Variants in PCDH15 observed in about 807,000 individuals in gnomAD.
The protein encoded by PCDH15 is protocadherin related 15.
Under a neutral mutation model 178.5 loss-of-function variants are expected in PCDH15, and 129 were observed. That is an observed-to-expected ratio of 0.72 (90% CI 0.63 to 0.84). The LOEUF (loss-of-function observed/expected upper bound fraction) is 0.84, where lower values mean the gene tolerates loss of function less well. Ranked by LOEUF, PCDH15 falls within the 40% of genes least tolerant of loss-of-function variation. The probability of loss-of-function intolerance (pLI) is 0.00; values close to 1 mark genes in which losing one functional copy is unlikely to be tolerated. For missense variants in PCDH15, 2,230 were observed against 2,099.9 expected, an observed-to-expected ratio of 1.06 and a Z score of -1.21; for synonymous variants, 800 against 732.0, an observed-to-expected ratio of 1.09 and a Z score of -1.50.
intron 2 of PCDH15, among the ~76,000 whole-genome samples, chr10:54,541,505 T>C (rs1448522515): frequency 6.6e-6 from 1 of 152,140 alleles, no homozygotes; most frequent in Non-Finnish European, 1.5e-5. Flanking sequence ...TTTTGATACA[T>C]ACAGTAGACA....
chr10:55,529,907 T>C (rs1016876456), intron 2 of PCDH15, among the ~76,000 whole-genome samples: 1 of 150,874 alleles, frequency 6.6e-6, no homozygotes, highest in Non-Finnish European at 1.5e-5. Flanking sequence ...CTCCTCAAAG[T>C]ATTTACTTAC....
intron 1 of PCDH15, among the ~76,000 whole-genome samples, chr10:54,752,242 C>T (rs1946326810): frequency 6.6e-6 from 1 of 150,992 alleles, no homozygotes; most frequent in African/African-American, 2.4e-5. Context: ...TTTGGGAGGC[C>T]GAGGCGGACA....
chr10:54,709,951 A>ATT (rs1018657185), intron 1 of PCDH15, among the ~76,000 whole-genome samples: 6 of 147,514 alleles, frequency 4.1e-5, no homozygotes, highest in Non-Finnish European at 9.0e-5. Flanking sequence ...GTATATATAT[A>ATT]TTACATATTT....
chr10:54,469,208 C>T (rs1290233776), intron 3 of PCDH15, among the ~76,000 whole-genome samples: 2 of 152,066 alleles, frequency 1.3e-5, no homozygotes, highest in East Asian at 3.9e-4. Context: ...GCTTTTCTCC[C>T]ACCTCTGCCT....
chr10:55,415,026 C>T (rs1838442562), intron 2 of PCDH15, among the ~76,000 whole-genome samples: 1 of 151,454 alleles, frequency 6.6e-6, no homozygotes, highest in Non-Finnish European at 1.5e-5. Context: ...AATGCTTTCC[C>T]ATTGATTATG....
chr10:55,410,621 C>G (rs2132034553), intron 2 of PCDH15, among the ~76,000 whole-genome samples: 1 of 152,170 alleles, frequency 6.6e-6, no homozygotes, highest in East Asian at 1.9e-4. Context: ...CCAGATAATA[C>G]AATGAAACAT....
chr10:55,544,730 T>A (rs1340593750), intron 2 of PCDH15, among the ~76,000 whole-genome samples: 1 of 152,184 alleles, frequency 6.6e-6, no homozygotes, highest in Non-Finnish European at 1.5e-5. Context: ...GAAGTTTTAA[T>A]CTGGTGTATT....
intron 2 of PCDH15, among the ~76,000 whole-genome samples, chr10:55,035,883 C>G (rs1048515653): frequency 6.6e-6 from 1 of 152,082 alleles, no homozygotes; most frequent in Non-Finnish European, 1.5e-5. Context: ...ATACTTTGGT[C>G]ATGACCTATG....
chr10:54,261,024 G>A (rs78129623), intron 8 of PCDH15, among the ~76,000 whole-genome samples: 55 of 152,262 alleles, frequency 3.6e-4, no homozygotes, highest in African/African-American at 1.3e-3. Context: ...TGTTCAAACA[G>A]TTTATATTTC....
At chr10:54,101,618 T>C (rs1041820321) in intron 15 of PCDH15, among the ~76,000 whole-genome samples, 1 of 152,132 alleles carries the variant, frequency 6.6e-6, no homozygotes, top group Non-Finnish European at 1.5e-5. Context: ...AGTGAGGAGC[T>C]ACACTGACCA....
chr10:54,561,118 G>T (rs2088082243), intron 2 of PCDH15, among the ~76,000 whole-genome samples: 1 of 151,990 alleles, frequency 6.6e-6, no homozygotes. Flanking sequence ...CAAGTTCTAT[G>T]GAAAAATTAA....
rs1447559687 is a variant in PCDH15 at position 55,146,546 on chromosome 10, A to G, written c.-80+20030T>C. 2.6e-5 allele frequency among the ~76,000 whole-genome samples: 4 copies of G among 151,912 alleles called. No individual in the cohort carries two copies. The East Asian group carries it at 5.8e-4, about 22-fold the overall frequency. On this transcript the variant is annotated intron_variant, in intron 2 of 5. Coordinates refer to the PCDH15 transcript ENST00000458638. Reference sequence around the variant, plus strand: ...TAGCCCCTATACTCAGGTTTCTGCTATAGCGTTCTGTAACACGTGATAATT... The same window carrying G: ...TAGCCCCTATACTCAGGTTTCTGCTGTAGCGTTCTGTAACACGTGATAATT...
At chr10:54,522,738 C>G (rs1459888870) in intron 3 of PCDH15, among the ~76,000 whole-genome samples, 1 of 152,092 alleles carries the variant, frequency 6.6e-6, no homozygotes, top group Admixed American at 6.6e-5. Flanking sequence ...AATAACTAAG[C>G]AAACAAATGA....
At position 55,538,494 on chromosome 10, in the gene PCDH15, TTTC is replaced by T. The variant is rs1564441965; in HGVS notation, c.-156+89128_-156+89130del. Among the ~76,000 whole-genome samples the T allele has an allele frequency of 5.0e-4, 39 of 77,968 alleles. 1 individual carries two copies. The East Asian group carries it at 0.018, about 36-fold the overall frequency. 51.2% of individuals were successfully genotyped at this position (77,968 alleles called of 152,430 possible). On this transcript the variant is annotated intron_variant, in intron 2 of 5. Transcript: ENST00000613346. ...CCTCCCTTCCTCCCTTCCTTCCTCC[TTTC>T]CTTCCTTCCTTCTTTCCTTCCTTCC...
intron 2 of PCDH15, among the ~76,000 whole-genome samples, chr10:55,139,119 C>T (rs4641372): frequency 0.38 from 57,592 of 151,576 alleles, 11,333 homozygotes; most frequent in Admixed American, 0.48. Flanking sequence ...TATTTATACC[C>T]TTCTCAGTGG....
chr10:55,099,946 C>CA (rs999224686), intron 2 of PCDH15, among the ~76,000 whole-genome samples: 17 of 151,714 alleles, frequency 1.1e-4, no homozygotes, highest in East Asian at 5.8e-4. Context: ...TTCTATATTT[C>CA]AAAAAAAAGT....
At chr10:53,822,222 A>C (rs2076320024) in intron 32 of PCDH15, 1 of 1,613,906 alleles carries the variant, frequency 6.2e-7, no homozygotes, top group Non-Finnish European at 8.5e-7. Context: ...TGTGGACAGA[A>C]ATGAAGCTGA....
chr10:55,452,760 A>T (rs1839463861), intron 2 of PCDH15, among the ~76,000 whole-genome samples: 1 of 152,150 alleles, frequency 6.6e-6, no homozygotes. Context: ...TCATATTAAT[A>T]GGCACAAAAA....
At chr10:53,894,403 T>G (rs1479338988) in intron 26 of PCDH15, among the ~76,000 whole-genome samples, 1 of 152,094 alleles carries the variant, frequency 6.6e-6, no homozygotes, top group Non-Finnish European at 1.5e-5. Context: ...TGGCCATAGA[T>G]GGAAGGAAAC....
Sources: gnomAD v4.1 joint callset for allele counts (sites outside exome capture counted in the v4.1 genomes callset) on GRCh38, gnomAD v4.1.1 for gene constraint, MANE v1.5 for transcripts, NCBI Gene and HGNC (gene_info 2026-07-23, HGNC 2026-07-21) for gene names.